The following MSI2 variants were observed in gnomAD, a reference collection of about 807,000 sequenced individuals.
MSI2 encodes the protein RNA-binding protein Musashi homolog 2.
In MSI2, 17 loss-of-function variants were observed where a neutral mutation model predicts 45.6. That is an observed-to-expected ratio of 0.37 (90% confidence interval 0.26 to 0.56). The LOEUF is 0.56. MSI2 is among the 20% of genes least tolerant of loss of function. The pLI, the probability that MSI2 is intolerant of heterozygous loss-of-function variation, is 0.77. For synonymous variants in MSI2, 156 were observed against 158.2 expected (o/e 0.99, Z 0.11); for missense variants, 293 against 444.2 (o/e 0.66, Z 3.06).
chr17:57,445,455 A>G (rs538692239), intron 6 of MSI2, among the ~76,000 whole-genome samples: 5 of 152,082 alleles, frequency 3.3e-5, no homozygotes, highest in Non-Finnish European at 7.4e-5. Context: ...TTGTCTGTCT[A>G]CAGCTCAACA....
At chr17:57,500,816 G>A (rs961950445) in intron 6 of MSI2, among the ~76,000 whole-genome samples, 1 of 146,520 alleles carries the variant, frequency 6.8e-6, no homozygotes. Flanking sequence ...AAAAGGATTA[G>A]CAGGGGCATG....
At chr17:57,525,993 A>G (rs4793862) in intron 6 of MSI2, among the ~76,000 whole-genome samples, 119,922 of 152,048 alleles carry the variant, frequency 0.79, 48,070 homozygotes, top group African/African-American at 0.94. Flanking sequence ...TTGGGAGGCC[A>G]AGGTAGGTGG....
intron 5 of MSI2, among the ~76,000 whole-genome samples, chr17:57,354,738 T>C (rs1916293456): frequency 6.6e-6 from 1 of 152,042 alleles, no homozygotes; most frequent in Admixed American, 6.6e-5. Context: ...AGGGGCCAGA[T>C]ACAAGGAGCC....
chr17:57,468,602 GA>G (rs2085375555), intron 6 of MSI2, among the ~76,000 whole-genome samples: 1 of 151,548 alleles, frequency 6.6e-6, no homozygotes, highest in Admixed American at 6.6e-5. Context: ...TGTTACTACT[GA>G]AAGTTGTGGG....
chr17:57,385,432 A>T (rs1388482464), intron 5 of MSI2, among the ~76,000 whole-genome samples: 2 of 152,154 alleles, frequency 1.3e-5, no homozygotes, highest in Non-Finnish European at 2.9e-5. Context: ...TGTCTTCCTG[A>T]AAAACTTCTG....
intron 5 of MSI2, among the ~76,000 whole-genome samples, chr17:57,391,389 G>A (rs775952014): frequency 6.6e-6 from 1 of 152,176 alleles, no homozygotes; most frequent in African/African-American, 2.4e-5. Flanking sequence ...GCTCGGAACT[G>A]TTAGGAGACT....
intron 7 of MSI2, among the ~76,000 whole-genome samples, chr17:57,572,369 T>TTGC: frequency 6.6e-6 from 1 of 152,232 alleles, no homozygotes; most frequent in African/African-American, 2.4e-5. Flanking sequence ...CATAGAAGCC[T>TTGC]CTGGGATTAG....
At chr17:57,383,576 G>A (rs192161748) in intron 5 of MSI2, among the ~76,000 whole-genome samples, 50 of 152,256 alleles carry the variant, frequency 3.3e-4, no homozygotes, top group Admixed American at 2.1e-3. Context: ...CAGGAGAATC[G>A]CTTGAACCCA....
intron 7 of MSI2, among the ~76,000 whole-genome samples, chr17:57,593,493 C>T (rs773314137): frequency 1.1e-4 from 16 of 152,156 alleles, no homozygotes; most frequent in Non-Finnish European, 1.9e-4. Flanking sequence ...TTCACATGGC[C>T]TTCTTCTCTT....
chr17:57,550,532 C>T (rs2087279230), intron 7 of MSI2, among the ~76,000 whole-genome samples: 3 of 152,158 alleles, frequency 2.0e-5, no homozygotes, highest in South Asian at 4.1e-4. Context: ...GGAAAGAACA[C>T]GATGTCTCTT....
chr17:57,431,930 T>G (rs1026013159), intron 6 of MSI2, among the ~76,000 whole-genome samples: 2 of 152,170 alleles, frequency 1.3e-5, no homozygotes, highest in Admixed American at 1.3e-4. Flanking sequence ...TTGGCGGCGG[T>G]GTGGAATATG....
intron 6 of MSI2, among the ~76,000 whole-genome samples, chr17:57,476,330 C>T (rs1347959966): frequency 6.6e-6 from 1 of 152,216 alleles, no homozygotes; most frequent in Non-Finnish European, 1.5e-5. Context: ...TGGCACCTTC[C>T]CCTGAGCCTG....
intron 7 of MSI2, among the ~76,000 whole-genome samples, chr17:57,548,913 C>CG (rs1422829064): frequency 7.5e-6 from 1 of 132,672 alleles, no homozygotes; most frequent in African/African-American, 2.7e-5. Flanking sequence ...CCCCCACCCC[C>CG]CCGCCAAAAA....
chr17:57,625,113 G>A (rs1325771599), intron 9 of MSI2, among the ~76,000 whole-genome samples: 6 of 152,094 alleles, frequency 3.9e-5, no homozygotes, highest in Admixed American at 3.9e-4. Context: ...CCACCTCATG[G>A]CCTCATCACA....
intron 6 of MSI2, among the ~76,000 whole-genome samples, chr17:57,462,945 C>T (rs1275836296): frequency 2.0e-5 from 3 of 152,214 alleles, no homozygotes; most frequent in African/African-American, 4.8e-5. Flanking sequence ...GTGTCCATAA[C>T]GGAGGATGGT....
intron 11 of MSI2, among the ~76,000 whole-genome samples, chr17:57,659,912 T>C (rs2144708777): frequency 6.6e-6 from 1 of 152,288 alleles, no homozygotes; most frequent in African/African-American, 2.4e-5. Flanking sequence ...GGCAGATATT[T>C]ATTAAGTATA....
At chr17:57,487,297 G>C (rs1327986613) in intron 6 of MSI2, among the ~76,000 whole-genome samples, 1 of 152,222 alleles carries the variant, frequency 6.6e-6, no homozygotes, top group Non-Finnish European at 1.5e-5. Context: ...CAGGTGAGTG[G>C]CCTGTTCAGA....
chr17:57,271,583 C>T (rs776080274), intron 5 of MSI2, among the ~76,000 whole-genome samples: 1 of 152,050 alleles, frequency 6.6e-6, no homozygotes, highest in Non-Finnish European at 1.5e-5. Flanking sequence ...AAGAGATTCT[C>T]GTTCCTGCCA....
intron 6 of MSI2, among the ~76,000 whole-genome samples, chr17:57,498,146 C>T (rs2143846395): frequency 6.6e-6 from 1 of 152,304 alleles, no homozygotes; most frequent in East Asian, 1.9e-4. Context: ...TATCTATCAC[C>T]ACTTGCCTTC....
Sources: allele counts gnomAD v4.1 joint callset (sites outside exome capture counted in the v4.1 genomes callset), GRCh38; gene constraint gnomAD v4.1.1; transcripts MANE v1.5; gene names NCBI Gene and HGNC (gene_info 2026-07-23, HGNC 2026-07-21).